The following IMPG2 variants were observed in gnomAD, a reference collection of about 807,000 sequenced individuals.
The protein encoded by IMPG2 is IPM 200.
A neutral mutation model predicts 129.2 loss-of-function variants in IMPG2; 91 were observed. The observed-to-expected ratio is 0.70, with a 90% CI of 0.59 to 0.84. The LOEUF is 0.84. IMPG2 is among the 40% of genes least tolerant of loss of function. IMPG2 has a pLI of 0.00. For synonymous variants in IMPG2, 510 were observed against 517.7 expected (o/e 0.99, Z 0.20); for missense variants, 1,430 against 1,461.7 (o/e 0.98, Z 0.35).
At position 101,244,069 on chromosome 3, in the gene IMPG2, G is replaced by A. The variant is rs376192974; in HGVS notation, c.2262C>T (p.Ser754=). 1 of 1,613,804 alleles carries A rather than the reference G, an allele frequency of 6.2e-7. No homozygotes were observed. Among genetic ancestry groups the A allele is most frequent in the African/African-American group, 1.3e-5 (1 of 74,914 alleles). ...CCTCACTGTCAAACCATTCATAGTT[G>A]GATGACTCAGTAATTTGTTCCATAT... The part of the protein sequence containing the change: ...REDMEQITES[S]NYEWFDSEVS... The change falls in exon 13 of 19, where the codon TCC becomes TCT. Residue 754 remains serine (S), a synonymous_variant. Transcript: ENST00000193391.
intron 4 of IMPG2, among the ~76,000 whole-genome samples, chr3:101,279,602 T>A (rs1039950918): frequency 6.6e-6 from 1 of 152,140 alleles, no homozygotes. Flanking sequence ...AGGATCACAA[T>A]AAGGCAAAGG....
Position 101,243,603 on chromosome 3 carries a change from T to C in IMPG2, c.2728A>G (p.Met910Val), listed in dbSNP as rs1320945953. Residue 910 changes from methionine to valine, a missense_variant, in exon 13 of 19, where the codon ATG (methionine) becomes GTG (valine). Coordinates refer to ENST00000193391, the MANE Select transcript of IMPG2 (RefSeq NM_016247.4). The stretch of plus-strand genomic sequence containing the variant: ...TTAAACAGATCTTCTGAAAACATCA[T>C]GTTAGTCACTCGGAGGCTGAAGAAA... ...VVFFSLRVTN[M>V]MFSEDLFNKN... 2 of 1,613,918 alleles carry C rather than the reference T, an allele frequency of 1.2e-6. No individual in the cohort carries two copies. Among genetic ancestry groups the C allele is most frequent in the Non-Finnish European group, 8.5e-7 (1 of 1,179,940 alleles).
chr3:101,291,629 C>G, intron 3 of IMPG2, 119 bp from the exon 4 acceptor site: 1 of 749,474 alleles, frequency 1.3e-6, no homozygotes, highest in Non-Finnish European at 2.4e-6. Flanking sequence ...TTAGTACTCT[C>G]TATGGTTAGA....
At chr3:101,291,984 C>T (rs1376043629) in intron 3 of IMPG2, among the ~76,000 whole-genome samples, 1 of 152,018 alleles carries the variant, frequency 6.6e-6, no homozygotes, top group Non-Finnish European at 1.5e-5. Context: ...GGATTATTCC[C>T]CAGGGGCATT....
chr3:101,314,919 A>G (rs1422150753), intron 2 of IMPG2, among the ~76,000 whole-genome samples: 4 of 152,106 alleles, frequency 2.6e-5, no homozygotes, highest in Non-Finnish European at 4.4e-5. Flanking sequence ...GCATGATACC[A>G]CAAGTAGCAA....
At chr3:101,292,299 C>G (rs1245608032) in intron 3 of IMPG2, among the ~76,000 whole-genome samples, 2 of 152,132 alleles carry the variant, frequency 1.3e-5, no homozygotes, top group African/African-American at 4.8e-5. Flanking sequence ...ACAGGCATAC[C>G]TCTGATATAT....
chr3:101,261,741 T>C (rs747434734), intron 9 of IMPG2, among the ~76,000 whole-genome samples: 6 of 152,090 alleles, frequency 3.9e-5, no homozygotes, highest in Non-Finnish European at 8.8e-5. Flanking sequence ...CAGACAGAGT[T>C]CTGGCATAGT....
rs561499086 is a variant in IMPG2, at chr3:101,296,320, A to G, written c.502-4810T>C. 2.5e-4 allele frequency among the ~76,000 whole-genome samples: 38 copies of G among 152,268 alleles called. No homozygotes were observed. In the South Asian group the frequency reaches 6.0e-3, roughly 24 times the overall value. On this transcript the variant is annotated intron_variant, in intron 3 of 18. Coordinates refer to ENST00000193391, the MANE Select transcript of IMPG2 (RefSeq NM_016247.4). ...GGCCTTTTCTGCATCTATTGAGATG[A>G]TCATGTGGTTTTTGTCATTGGTTCT...
intron 2 of IMPG2, among the ~76,000 whole-genome samples, chr3:101,316,782 C>A (rs1689304099): frequency 6.6e-6 from 1 of 152,010 alleles, no homozygotes; most frequent in African/African-American, 2.4e-5. Flanking sequence ...AAAACTTGTA[C>A]CCAAATGACC....
chr3:101,313,341 G>C (rs765957877), intron 2 of IMPG2, among the ~76,000 whole-genome samples: 7 of 152,246 alleles, frequency 4.6e-5, no homozygotes, highest in Admixed American at 6.5e-5. Context: ...TCCAGGCAAA[G>C]AGGTACTAAG....
chr3:101,311,918 G>A (rs1646374158), intron 2 of IMPG2, among the ~76,000 whole-genome samples: 1 of 152,066 alleles, frequency 6.6e-6, no homozygotes, highest in Non-Finnish European at 1.5e-5. Flanking sequence ...TTTTCAGCAA[G>A]AGTGCTAATA....
intron 3 of IMPG2, among the ~76,000 whole-genome samples, chr3:101,301,205 T>C (rs1311151804): frequency 6.6e-6 from 1 of 152,214 alleles, no homozygotes; most frequent in East Asian, 1.9e-4. Flanking sequence ...TTATTGTAAT[T>C]GTAATAATCA....
chr3:101,284,542 GATTT>G (rs1481959476), intron 4 of IMPG2, among the ~76,000 whole-genome samples: 1 of 144,608 alleles, frequency 6.9e-6, no homozygotes, highest in Non-Finnish European at 1.5e-5. Context: ...ACTAAATCAA[GATTT>G]ATTTATCAAT....
chr3:101,230,104 C>A (rs1706270200), intron 16 of IMPG2, among the ~76,000 whole-genome samples: 1 of 152,120 alleles, frequency 6.6e-6, no homozygotes, highest in African/African-American at 2.4e-5. Flanking sequence ...TTATCTCTGC[C>A]CTGGATGAGG....
intron 7 of IMPG2, among the ~76,000 whole-genome samples, chr3:101,270,184 G>A (rs557969886): frequency 9.2e-5 from 14 of 151,928 alleles, no homozygotes; most frequent in Non-Finnish European, 1.6e-4. Context: ...TGATCCACCT[G>A]CCTCAGCCTC....
intron 9 of IMPG2, among the ~76,000 whole-genome samples, chr3:101,265,537 A>G (rs1234069953): frequency 6.6e-6 from 1 of 152,128 alleles, no homozygotes; most frequent in Non-Finnish European, 1.5e-5. Flanking sequence ...CACTCTATAC[A>G]AAAAATCCAC....
chr3:101,260,506 G>A (rs777195432), intron 9 of IMPG2, among the ~76,000 whole-genome samples: 27 of 152,076 alleles, frequency 1.8e-4, no homozygotes, highest in African/African-American at 4.1e-4. Context: ...GTCACCTACC[G>A]ATCAGAACTC....
chr3:101,229,013 G>A (rs1706252925), intron 17 of IMPG2, 137 bp from the exon 18 acceptor site: 3 of 688,530 alleles, frequency 4.4e-6, no homozygotes, highest in Non-Finnish European at 7.7e-6. Flanking sequence ...AGAAGTGCAG[G>A]AGTGTGCACT....
At chr3:101,265,639 G>T (rs1706714324) in intron 9 of IMPG2, among the ~76,000 whole-genome samples, 1 of 152,032 alleles carries the variant, frequency 6.6e-6, no homozygotes, top group Non-Finnish European at 1.5e-5. Context: ...CATTGGTCTT[G>T]AAAAAGATTT....
Sources: allele counts gnomAD v4.1 joint callset (sites outside exome capture counted in the v4.1 genomes callset), GRCh38; gene constraint gnomAD v4.1.1; transcripts MANE v1.5; gene names NCBI Gene and HGNC (gene_info 2026-07-23, HGNC 2026-07-21).